The following ITPR1 variants were observed in gnomAD, a reference collection of about 807,000 sequenced individuals.
ITPR1 encodes inositol 1,4,5-trisphosphate receptor type 1.
In ITPR1, 96 loss-of-function variants were observed where a neutral mutation model predicts 318.4. The ratio of observed to expected loss-of-function variants is 0.30; its 90% CI spans 0.26 to 0.36. ITPR1 has a LOEUF of 0.36. ITPR1 is among the 10% of genes least tolerant of loss of function. ITPR1 has a pLI of 1.00. For missense variants in ITPR1, 2,440 were observed against 3,460.2 expected, an observed-to-expected ratio of 0.71 and a Z score of 7.40; for synonymous variants, 1,312 against 1,289.9, an observed-to-expected ratio of 1.02 and a Z score of -0.37.
At chr3:4,537,690 C>T (rs2084005676) in intron 4 of ITPR1, among the ~76,000 whole-genome samples, 1 of 152,032 alleles carries the variant, frequency 6.6e-6, no homozygotes. Flanking sequence ...TAGCCATGAG[C>T]CAAGGAATGC....
intron 2 of ITPR1, among the ~76,000 whole-genome samples, chr3:4,515,139 A>T (rs1294811596): frequency 2.0e-5 from 3 of 152,142 alleles, no homozygotes; most frequent in Non-Finnish European, 4.4e-5. Context: ...GGGGATGACA[A>T]ATCAGCTTTT....
At position 4,667,531 on chromosome 3, in the gene ITPR1, G is replaced by T; in HGVS notation, c.1868G>T (p.Arg623Leu). 1 of 1,613,198 alleles carries T rather than the reference G, an allele frequency of 6.2e-7. No individual in the cohort carries two copies. The highest frequency in any genetic ancestry group is 1.1e-5 in the South Asian group (1 of 90,916). The part of the protein sequence containing the change: ...AEIDTFVSLV[R>L]KNREPRFLDY... The stretch of plus-strand genomic sequence containing the variant: ...ATTGACACATTTGTCAGCCTGGTGC[G>T]AAAGAACAGGGAGCCCAGGTGAGGC... The change falls in exon 18 of 62, where the codon CGA becomes CTA. Residue 623 changes from arginine (R) to leucine (L), a missense_variant. Physicochemically the swap from Arg to Leu is moderately radical, Grantham distance 102. Coordinates refer to ENST00000649015, the MANE Select transcript of ITPR1 (RefSeq NM_001378452.1).
chr3:4,565,542 C>T (rs1218168610), intron 4 of ITPR1, among the ~76,000 whole-genome samples: 1 of 152,138 alleles, frequency 6.6e-6, no homozygotes. Flanking sequence ...TAAATTTTGC[C>T]TCCTAGTGCC....
intron 4 of ITPR1, among the ~76,000 whole-genome samples, chr3:4,585,572 G>T (rs368049630): frequency 6.6e-6 from 1 of 152,042 alleles, no homozygotes; most frequent in African/African-American, 2.4e-5. Flanking sequence ...AAGTAGCTAG[G>T]ATTACAGGTG....
intron 4 of ITPR1, among the ~76,000 whole-genome samples, chr3:4,622,542 G>T (rs551446482): frequency 2.0e-5 from 3 of 151,608 alleles, no homozygotes; most frequent in Admixed American, 6.6e-5. Context: ...TCCTGCCTCA[G>T]CCTCCTGAGT....
At chr3:4,578,495 T>C (rs779708734) in intron 4 of ITPR1, among the ~76,000 whole-genome samples, 5 of 151,968 alleles carry the variant, frequency 3.3e-5, no homozygotes, top group African/African-American at 9.7e-5. Flanking sequence ...TGTGTGTGTG[T>C]GTGCATATAC....
chr3:4,767,442 G>T (rs1368495802), intron 45 of ITPR1, among the ~76,000 whole-genome samples: 5 of 152,232 alleles, frequency 3.3e-5, no homozygotes, highest in African/African-American at 9.7e-5. Context: ...GTCTAGACAG[G>T]AGCTAAAGAG....
intron 4 of ITPR1, among the ~76,000 whole-genome samples, chr3:4,528,873 A>C (rs1448752280): frequency 6.6e-6 from 1 of 152,168 alleles, no homozygotes; most frequent in Non-Finnish European, 1.5e-5. Flanking sequence ...TTCATTTCAG[A>C]TTTACTAGTT....
chr3:4,690,328 C>T (rs375580164), intron 31 of ITPR1, among the ~76,000 whole-genome samples: 4 of 152,126 alleles, frequency 2.6e-5, no homozygotes, highest in African/African-American at 9.6e-5. Context: ...GAACAGACAC[C>T]CTGTTGGAGA....
At chr3:4,581,076 A>T (rs1332194788) in intron 4 of ITPR1, among the ~76,000 whole-genome samples, 2 of 152,234 alleles carry the variant, frequency 1.3e-5, no homozygotes, top group Non-Finnish European at 2.9e-5. Flanking sequence ...ACGTTTCAGA[A>T]GCTTAAAATA....
intron 10 of ITPR1, among the ~76,000 whole-genome samples, chr3:4,649,308 A>T (rs4685790): frequency 0.94 from 143,522 of 152,296 alleles, 68,090 homozygotes; most frequent in East Asian, 1. Flanking sequence ...CCTGAATTTC[A>T]TAGGAAGACG....
At chr3:4,813,082 C>CAG in intron 56 of ITPR1, 60 bp from the exon 57 acceptor site, 1 of 1,293,114 alleles carries the variant, frequency 7.7e-7, no homozygotes, top group Non-Finnish European at 1.1e-6. Flanking sequence ...TTGGGGACTT[C>CAG]AAACATTTTA....
At position 4,846,389 on chromosome 3, in the gene ITPR1, T is replaced by C; in HGVS notation, c.*164T>C. ...ATGATTGCTACTCTAAAGGTTTGGA[T>C]ATATGTATTGTAATTAGAATTGTTG... On this transcript the variant is annotated 3_prime_UTR_variant, in exon 62 of 62. Coordinates refer to ENST00000649015, the MANE Select transcript of ITPR1 (RefSeq NM_001378452.1). The C allele has an allele frequency of 2.3e-6, 1 of 425,960 alleles. No homozygotes were observed. Among genetic ancestry groups the C allele is most frequent in the Non-Finnish European group, 4.2e-6 (1 of 240,874 alleles). The allele number at this position is 425,960 out of a possible 1,614,324, so 26.4% of individuals were successfully genotyped here.
chr3:4,779,606 C>T lies in ITPR1; in HGVS notation c.6348C>T (p.Asn2116=), dbSNP rs182891619. The T allele has an allele frequency of 6.9e-5, 111 of 1,612,296 alleles. No homozygotes were observed. The Admixed American group carries it at 7.5e-4, about 11-fold the overall frequency. The change falls in exon 49 of 62, where the codon AAC becomes AAT. Residue 2116 remains asparagine (N), a synonymous_variant. Coordinates refer to ENST00000649015, the MANE Select transcript of ITPR1 (RefSeq NM_001378452.1). The surrounding 1 kb of genome is among the most constrained non-coding windows in gnomAD (Gnocchi z 4.0). ...AIMESRHDSE[N]AERILYNMRP... is the part of the protein sequence containing the mutation. ...TGGAAAGCAGGCACGACAGTGAAAA[C>T]GCAGAGAGGATACTTTATAACATGA...
chr3:4,609,502 A>G (rs2091946833), intron 4 of ITPR1, among the ~76,000 whole-genome samples: 1 of 152,202 alleles, frequency 6.6e-6, no homozygotes, highest in Non-Finnish European at 1.5e-5. Flanking sequence ...TTTGGAAGGA[A>G]TGTGTTCATT....
chr3:4,516,242 A>C (rs2082161408), intron 2 of ITPR1, among the ~76,000 whole-genome samples: 1 of 152,216 alleles, frequency 6.6e-6, no homozygotes, highest in Non-Finnish European at 1.5e-5. Context: ...TTTTGTTAGA[A>C]ACAAATGTTA....
rs560331140 is a variant in ITPR1, at chr3:4,837,394, C to G, written c.8190+459C>G. ...GGCTAAACCATAGTCATGGAAAAGC[C>G]CTTTTGGTTTCATTCTTTTCTCAGT... On this transcript the variant is annotated intron_variant, in intron 61 of 61. Transcript: ENST00000649015. Among the ~76,000 whole-genome samples the G allele has an allele frequency of 2.6e-5, 4 of 152,112 alleles. No individual in the cohort carries two copies. In the South Asian group the frequency reaches 6.2e-4, roughly 24 times the overall value.
At chr3:4,663,031 C>A (rs2093871058) in intron 15 of ITPR1, 34 bp from the exon 16 acceptor site, 1 of 1,606,592 alleles carries the variant, frequency 6.2e-7, no homozygotes, top group Non-Finnish European at 8.5e-7. Flanking sequence ...GAACACTGAA[C>A]ACATCTGTCT....
chr3:4,524,572 C>T (rs1457688961), intron 4 of ITPR1, among the ~76,000 whole-genome samples: 1 of 152,150 alleles, frequency 6.6e-6, no homozygotes, highest in Non-Finnish European at 1.5e-5. Context: ...GAGCAATCAG[C>T]AGAGCTGCAT....
Sources: gnomAD v4.1 joint callset for allele counts (sites outside exome capture counted in the v4.1 genomes callset) on GRCh38, gnomAD v4.1.1 for gene constraint, Gnocchi (gnomAD v3.1) non-coding constraint, MANE v1.5 for transcripts, NCBI Gene and HGNC (gene_info 2026-07-23, HGNC 2026-07-21) for gene names.